The following TBC1D5 variants were observed in gnomAD, a reference collection of about 807,000 sequenced individuals.
TBC1D5 encodes TBC1 domain family member 5, also known as TBC1 domain family, member 5.
A neutral mutation model predicts 100.3 loss-of-function variants in TBC1D5; 75 were observed. The observed-to-expected ratio is 0.75, with a 90% CI of 0.62 to 0.91. The LOEUF (loss-of-function observed/expected upper bound fraction) is 0.91, where lower values mean the gene tolerates loss of function less well. Ranked by LOEUF, TBC1D5 falls within the 40% of genes least tolerant of loss-of-function variation. TBC1D5 has a pLI of 0.00. For missense variants in TBC1D5, 910 were observed against 942.4 expected (o/e 0.97, Z 0.45); for synonymous variants, 323 against 325.6 (o/e 0.99, Z 0.09).
intron 13 of TBC1D5, among the ~76,000 whole-genome samples, chr3:17,308,886 A>T (rs2083686783): frequency 6.6e-6 from 1 of 152,120 alleles, no homozygotes; most frequent in Non-Finnish European, 1.5e-5. Context: ...TAATAGTGAC[A>T]CTTTAGACTT....
chr3:17,475,206 C>A lies in TBC1D5; in HGVS notation c.97+33268G>T, dbSNP rs1559968829. On this transcript the variant is annotated intron_variant, in intron 3 of 21. Coordinates refer to ENST00000253692, the Ensembl canonical transcript of TBC1D5. ...CCCACCCGTTTATATATTCCCAAATCTAACACCATCTGCATGGTAACTTCT... is the reference window on the plus strand; with the variant it reads ...CCCACCCGTTTATATATTCCCAAATATAACACCATCTGCATGGTAACTTCT... Among the ~76,000 whole-genome samples, 3 of 150,998 alleles carry A rather than the reference C, an allele frequency of 2.0e-5. 1 individual carries two copies. The South Asian group carries it at 6.3e-4, about 32-fold the overall frequency.
intron 1 of TBC1D5, among the ~76,000 whole-genome samples, chr3:17,638,902 T>A (rs906188881): frequency 6.6e-6 from 1 of 152,118 alleles, no homozygotes; most frequent in Non-Finnish European, 1.5e-5. Flanking sequence ...GGGATCCTCA[T>A]ACATTGTTAA....
intron 4 of TBC1D5, among the ~76,000 whole-genome samples, chr3:17,411,144 G>A (rs1048583487): frequency 6.6e-6 from 1 of 151,662 alleles, no homozygotes; most frequent in Non-Finnish European, 1.5e-5. Context: ...ACAACAACAA[G>A]GCAAGACCCT....
At chr3:17,337,405 G>A (rs1406556527) in intron 13 of TBC1D5, 1 of 152,080 alleles carries the variant, frequency 6.6e-6, no homozygotes, top group African/African-American at 2.4e-5. Flanking sequence ...TTGGTGAACG[G>A]TTTTATTCTG....
chr3:17,256,522 G>GGA (rs1195104669), intron 16 of TBC1D5, among the ~76,000 whole-genome samples: 1 of 150,968 alleles, frequency 6.6e-6, no homozygotes, highest in Non-Finnish European at 1.5e-5. Context: ...AAAAATGCAG[G>GGA]GAGAGAAGGC....
intron 14 of TBC1D5, among the ~76,000 whole-genome samples, chr3:17,306,112 C>G (rs545866328): frequency 2.6e-4 from 14 of 54,854 alleles, no homozygotes; most frequent in African/African-American, 9.9e-4. Context: ...CTGCTTTTCA[C>G]TTCCAGGCCT....
At chr3:17,655,009 C>T (rs2065921549) in intron 1 of TBC1D5, among the ~76,000 whole-genome samples, 1 of 150,962 alleles carries the variant, frequency 6.6e-6, no homozygotes, top group Non-Finnish European at 1.5e-5. Flanking sequence ...TGGTGATATC[C>T]CCTTTATCAT....
intron 1 of TBC1D5, among the ~76,000 whole-genome samples, chr3:17,657,012 A>C (rs1333652205): frequency 6.6e-6 from 1 of 152,096 alleles, no homozygotes; most frequent in Non-Finnish European, 1.5e-5. Context: ...AGCCACACTG[A>C]CTAAAAACTG....
At chr3:17,596,188 C>G (rs1448782462) in intron 2 of TBC1D5, among the ~76,000 whole-genome samples, 1 of 152,206 alleles carries the variant, frequency 6.6e-6, no homozygotes, top group Non-Finnish European at 1.5e-5. Flanking sequence ...GGGAATTCAG[C>G]AGTGGTCCTA....
At chr3:17,579,202 A>C (rs2096676446) in intron 2 of TBC1D5, among the ~76,000 whole-genome samples, 1 of 152,090 alleles carries the variant, frequency 6.6e-6, no homozygotes, top group Non-Finnish European at 1.5e-5. Context: ...TCAGTTGTTC[A>C]CACTACAAAC....
At chr3:17,214,252 G>A in exon 18 of TBC1D5, 1 of 1,613,572 alleles carries the variant, frequency 6.2e-7, no homozygotes, top group South Asian at 1.1e-5. Flanking sequence ...GAGAACGTGA[G>A]ATGTTGCTAA....
intron 14 of TBC1D5, among the ~76,000 whole-genome samples, chr3:17,293,013 C>T (rs983514266): frequency 6.6e-6 from 1 of 152,176 alleles, no homozygotes; most frequent in African/African-American, 2.4e-5. Flanking sequence ...TCCTACTTCT[C>T]CCCCTCCTAT....
intron 1 of TBC1D5, among the ~76,000 whole-genome samples, chr3:17,684,269 A>G (rs947281260): frequency 1.3e-5 from 2 of 152,112 alleles, no homozygotes; most frequent in African/African-American, 2.4e-5. Context: ...AGGCAAGCAT[A>G]TGAAGATACT....
intron 3 of TBC1D5, among the ~76,000 whole-genome samples, chr3:17,447,892 T>C (rs935748024): frequency 6.6e-6 from 1 of 152,214 alleles, no homozygotes; most frequent in Non-Finnish European, 1.5e-5. Flanking sequence ...TTCTAAAATA[T>C]GTTTATTGGA....
chr3:17,464,797 A>AACT (rs1182754769), intron 3 of TBC1D5, among the ~76,000 whole-genome samples: 1 of 152,160 alleles, frequency 6.6e-6, no homozygotes, highest in Non-Finnish European at 1.5e-5. Context: ...AGTATCTGAA[A>AACT]ACTACAACTA....
At chr3:17,734,703 T>C (rs1439128217) in intron 1 of TBC1D5, among the ~76,000 whole-genome samples, 2 of 152,152 alleles carry the variant, frequency 1.3e-5, no homozygotes, top group Admixed American at 6.6e-5. Context: ...AATAATGGCA[T>C]GTAAAAGGCC....
chr3:17,705,804 TG>T (rs1409777706), intron 1 of TBC1D5, among the ~76,000 whole-genome samples: 3 of 123,266 alleles, frequency 2.4e-5, no homozygotes, highest in Non-Finnish European at 3.5e-5. Context: ...TCCCAGACGA[TG>T]GGCGGCCAGG....
At position 17,385,527 on chromosome 3, in the gene TBC1D5, C is replaced by G. The variant is rs185483930; in HGVS notation, c.510-1512G>C. 2.2e-4 allele frequency among the ~76,000 whole-genome samples: 34 copies of G among 152,184 alleles called. 1 individual carries two copies. Among genetic ancestry groups the G allele is most frequent in the Admixed American group, 2.0e-3 (30 of 15,264 alleles). ...TGGTGCCTTGGACAGTTATAACTTT[C>G]TAGTCCAAGCTAGGTTTTTGGTGAA... On this transcript the variant is annotated intron_variant, in intron 8 of 21. Coordinates refer to ENST00000253692, the Ensembl canonical transcript of TBC1D5.
chr3:17,647,819 A>C (rs1170843976), intron 1 of TBC1D5, among the ~76,000 whole-genome samples: 2 of 152,206 alleles, frequency 1.3e-5, no homozygotes, highest in Non-Finnish European at 2.9e-5. Flanking sequence ...TCCTAGGTAA[A>C]GAACAAATCT....
Sources: allele counts gnomAD v4.1 joint callset (sites outside exome capture counted in the v4.1 genomes callset), GRCh38; gene constraint gnomAD v4.1.1; transcripts MANE v1.5; gene names NCBI Gene and HGNC (gene_info 2026-07-23, HGNC 2026-07-21).